The following LEPR variants were observed in gnomAD, a reference collection of about 807,000 sequenced individuals.
LEPR encodes leptin receptor.
In LEPR, 56 loss-of-function variants were observed where a neutral mutation model predicts 114.7. The ratio of observed to expected loss-of-function variants is 0.49; its 90% CI spans 0.39 to 0.61. The LOEUF (loss-of-function observed/expected upper bound fraction) is 0.61, where lower values mean the gene tolerates loss of function less well. LEPR is among the 20% of genes least tolerant of loss of function. The pLI is 0.00. For synonymous variants in LEPR, 443 were observed against 461.4 expected (o/e 0.96, Z 0.51); for missense variants, 1,202 against 1,352.9 (o/e 0.89, Z 1.75).
intron 2 of LEPR, among the ~76,000 whole-genome samples, chr1:65,460,891 T>C (rs1452829088): frequency 1.3e-5 from 2 of 150,970 alleles, no homozygotes; most frequent in Non-Finnish European, 2.9e-5. Context: ...AAATACTTTG[T>C]AAAATTAGAA....
At chr1:65,612,422 A>G (rs541268793) in intron 14 of LEPR, among the ~76,000 whole-genome samples, 149 of 152,260 alleles carry the variant, frequency 9.8e-4, no homozygotes, top group Non-Finnish European at 1.5e-3. Flanking sequence ...CTTTTACCCA[A>G]TGTTCTTTTT....
chr1:65,616,011 C>T lies in LEPR; in HGVS notation c.1999C>T (p.Leu667=). 1 of 1,614,096 alleles carries T rather than the reference C, an allele frequency of 6.2e-7. No homozygotes were observed. The highest frequency in any genetic ancestry group is 1.3e-5 in the African/African-American group (1 of 75,058). The part of the protein sequence containing the change: ...EKNVTLLWKP[L]MKNDSLCSVQ... ...TCAATTTCTATATTTACTACAGCCCCTGATGAAAAATGACTCATTGTGCAG... is the reference window on the plus strand; with the variant it reads ...TCAATTTCTATATTTACTACAGCCCTTGATGAAAAATGACTCATTGTGCAG... The change falls in exon 15 of 20, where the codon CTG becomes TTG. Residue 667 remains leucine, a synonymous_variant. Coordinates refer to ENST00000349533, the MANE Select transcript of LEPR (RefSeq NM_002303.6).
chr1:65,472,159 A>T (rs771595073), intron 2 of LEPR, among the ~76,000 whole-genome samples: 1 of 152,084 alleles, frequency 6.6e-6, no homozygotes, highest in African/African-American at 2.4e-5. Context: ...TCAAAACATC[A>T]TGTATCTAGA....
chr1:65,537,653 A>G (rs1650873234), intron 2 of LEPR, among the ~76,000 whole-genome samples: 1 of 152,028 alleles, frequency 6.6e-6, no homozygotes, highest in Non-Finnish European at 1.5e-5. Flanking sequence ...CCCCTGCTTC[A>G]TGAGTTTGGG....
chr1:65,607,057 A>G (rs1656860331), intron 11 of LEPR, among the ~76,000 whole-genome samples: 1 of 152,212 alleles, frequency 6.6e-6, no homozygotes, highest in Admixed American at 6.5e-5. Context: ...CCTGTGAATC[A>G]TAACAGTAGC....
chr1:65,429,071 C>A (rs1167454287), intron 2 of LEPR, among the ~76,000 whole-genome samples: 3 of 152,074 alleles, frequency 2.0e-5, no homozygotes, highest in Non-Finnish European at 2.9e-5. Context: ...GGCGTTTGAT[C>A]AAGACTAATC....
At chr1:65,571,362 A>G (rs1203637788) in intron 4 of LEPR, among the ~76,000 whole-genome samples, 1 of 152,176 alleles carries the variant, frequency 6.6e-6, no homozygotes, top group Admixed American at 6.5e-5. Flanking sequence ...AAACAAAAAA[A>G]GAAAAGAAAA....
intron 5 of LEPR, among the ~76,000 whole-genome samples, chr1:65,578,864 T>G (rs537447512): frequency 6.6e-6 from 1 of 152,266 alleles, no homozygotes; most frequent in South Asian, 2.1e-4. Flanking sequence ...CTGTATTGAT[T>G]ACCAGGCTGT....
intron 2 of LEPR, among the ~76,000 whole-genome samples, chr1:65,522,439 T>G (rs1353606878): frequency 6.6e-6 from 1 of 152,282 alleles, no homozygotes; most frequent in East Asian, 1.9e-4. Flanking sequence ...CTGTAACCCA[T>G]GTAAGTCAAT....
intron 12 of LEPR, among the ~76,000 whole-genome samples, 199 bp from the exon 13 acceptor site, chr1:65,609,748 C>A (rs1004365618): frequency 1.2e-4 from 18 of 152,098 alleles, no homozygotes; most frequent in Non-Finnish European, 1.5e-5. Flanking sequence ...AAGGGAGTGA[C>A]AAGATAAATA....
chr1:65,444,457 G>A (rs1646688368), intron 2 of LEPR, among the ~76,000 whole-genome samples: 3 of 152,048 alleles, frequency 2.0e-5, no homozygotes, highest in Non-Finnish European at 2.9e-5. Flanking sequence ...TTCGAGTCTC[G>A]TAGTTTGTGT....
chr1:65,473,215 A>G (rs1316791545), intron 2 of LEPR, among the ~76,000 whole-genome samples: 1 of 152,214 alleles, frequency 6.6e-6, no homozygotes, highest in East Asian at 1.9e-4. Context: ...TGCACATTTT[A>G]CAGGTGAGGG....
intron 1 of LEPR, among the ~76,000 whole-genome samples, chr1:65,424,980 A>T (rs749253933): frequency 8.5e-5 from 13 of 152,236 alleles, no homozygotes; most frequent in Non-Finnish European, 1.6e-4. Context: ...GTAACGGGTC[A>T]AATGTAACCT....
chr1:65,496,655 C>T (rs1290270658), intron 2 of LEPR, among the ~76,000 whole-genome samples: 1 of 152,132 alleles, frequency 6.6e-6, no homozygotes, highest in African/African-American at 2.4e-5. Context: ...CAAGAAAGTT[C>T]ATGTGTACTG....
intron 2 of LEPR, among the ~76,000 whole-genome samples, chr1:65,457,226 A>G (rs769020765): frequency 6.6e-6 from 1 of 152,216 alleles, no homozygotes; most frequent in Admixed American, 6.5e-5. Flanking sequence ...CGTTATTGCT[A>G]TTACTATTTT....
intron 10 of LEPR, among the ~76,000 whole-genome samples, chr1:65,603,129 C>A (rs1464756952): frequency 6.6e-6 from 1 of 152,148 alleles, no homozygotes; most frequent in Non-Finnish European, 1.5e-5. Context: ...ATAGGACTTA[C>A]AGTGTTTCTG....
At chr1:65,589,223 T>A (rs990011974) in intron 5 of LEPR, among the ~76,000 whole-genome samples, 44 of 152,212 alleles carry the variant, frequency 2.9e-4, no homozygotes, top group African/African-American at 1.0e-3. Flanking sequence ...ATTTATATGG[T>A]GAAGTGACTG....
chr1:65,476,824 T>G (rs1199542945), intron 2 of LEPR, among the ~76,000 whole-genome samples: 1 of 152,228 alleles, frequency 6.6e-6, no homozygotes, highest in Non-Finnish European at 1.5e-5. Flanking sequence ...GAACTCAGCA[T>G]GCCCAGAACT....
At chr1:65,434,553 C>G (rs1646532700) in intron 2 of LEPR, 4 of 985,226 alleles carry the variant, frequency 4.1e-6, no homozygotes, top group Non-Finnish European at 4.8e-6. Context: ...AGGTTCAACT[C>G]TAATATACCT....
Sources: gnomAD v4.1 joint callset for allele counts (sites outside exome capture counted in the v4.1 genomes callset) on GRCh38, gnomAD v4.1.1 for gene constraint, MANE v1.5 for transcripts, NCBI Gene and HGNC (gene_info 2026-07-23, HGNC 2026-07-21) for gene names.